Variants in IFI6 observed in about 807,000 individuals in gnomAD.
The protein encoded by IFI6 is interferon alpha-inducible protein 6.
A neutral mutation model predicts 12.7 loss-of-function variants in IFI6; 10 were observed. The observed-to-expected ratio is 0.79, with a 90% CI of 0.49 to 1.33. The LOEUF (loss-of-function observed/expected upper bound fraction) is 1.33, where lower values mean the gene tolerates loss of function less well. Among genes scored for constraint, IFI6 ranks in the 40% most tolerant of loss-of-function variants. IFI6 has a pLI of 0.00. For missense variants in IFI6, 154 were observed against 180.4 expected, an observed-to-expected ratio of 0.85 and a Z score of 0.84; for synonymous variants, 89 against 86.2, an observed-to-expected ratio of 1.03 and a Z score of -0.18.
chr1:27,669,234 C>A lies in IFI6; in HGVS notation c.70+11G>T, dbSNP rs190781000. On this transcript the variant is annotated intron_variant, in intron 2 of 4. Coordinates refer to ENST00000361157, the MANE Select transcript of IFI6 (RefSeq NM_002038.4). ...CTGTCCCCTTACCTGCATCCTTACCCGCATTCTCACCTGCCTCCACCCCAC... is the reference window on the plus strand; with the variant it reads ...CTGTCCCCTTACCTGCATCCTTACCAGCATTCTCACCTGCCTCCACCCCAC... 1 of 1,551,754 alleles carries A rather than the reference C, an allele frequency of 6.4e-7. No individual in the cohort carries two copies. The highest frequency in any genetic ancestry group is 8.7e-7 in the Non-Finnish European group (1 of 1,146,968).
chr1:27,668,167 A>G lies in IFI6; in HGVS notation c.298+59T>C, dbSNP rs1354657890. 9.4e-6 allele frequency: 13 copies of G among 1,385,020 alleles called. No homozygotes were observed. In the East Asian group the frequency reaches 3.0e-4, roughly 32 times the overall value. 85.8% of individuals were successfully genotyped at this position (1,385,020 alleles called of 1,614,324 possible). ...TTCCTGAGTGCCTCAGTTTCCCCAG[A>G]TGTATGATGAAAATAATAGTAAAGA... is the stretch of plus-strand genomic sequence containing the variant. On this transcript the variant is annotated intron_variant, in intron 4 of 4. Transcript: ENST00000361157.
At chr1:27,668,591 CCT>C in intron 2 of IFI6, 56 bp from the exon 3 acceptor site, 1 of 1,426,688 alleles carries the variant, frequency 7.0e-7, no homozygotes. Flanking sequence ...ACAGGGGTCC[CCT>C]ACTCTGTGTC....
At position 27,666,409 on chromosome 1, in the gene IFI6, T is replaced by G; in HGVS notation, c.365A>C (p.Tyr122Ser). ...CTCCTCATCCTCCTCACTATCGAGA[T>G]ACTTGTGGGTGGCGTAGCCCATCAG... ...GALMGYATHK[Y>S]LDSEEDEE Residue 122 changes from tyrosine (Y) to serine (S), a missense_variant, in exon 5 of 5, where the codon TAT becomes TCT. By Grantham distance (144) the Tyr-to-Ser change is moderately radical. Transcript: ENST00000361157. 3 of 1,610,942 alleles carry G rather than the reference T, an allele frequency of 1.9e-6. No individual in the cohort carries two copies. In the South Asian group the frequency reaches 3.3e-5, roughly 18 times the overall value.
At chr1:27,669,050 TACCCGC>T (rs2090381827) in intron 2 of IFI6, among the ~76,000 whole-genome samples, 189 bp downstream of exon 2, 1 of 2,574 alleles carries the variant, frequency 3.9e-4, no homozygotes, top group African/African-American at 7.3e-4. Flanking sequence ...CCTGCATCCT[TACCCGC>T]ATCCTTACCT....
rs375336115 is a variant in IFI6, at chr1:27,669,420, G to T, written c.-32-74C>A. On this transcript the variant is annotated intron_variant, in intron 1 of 4. Coordinates refer to ENST00000361157, the MANE Select transcript of IFI6 (RefSeq NM_002038.4). ...ATCAGCTCCGTTGTTTTCCCTTCCA[G>T]TTCCAACTGAATCAGTAAAAAGCAG... is the stretch of plus-strand genomic sequence containing the variant. 1,159 of 878,692 alleles carry T rather than the reference G, an allele frequency of 1.3e-3. 19 individuals carry two copies. In the South Asian group the frequency reaches 0.016, roughly 12 times the overall value. 54.4% of individuals were successfully genotyped at this position (878,692 alleles called of 1,614,324 possible). A position where few individuals can be genotyped will look rare whatever the true frequency, so the allele number is the denominator to read the frequency against.
Position 27,668,387 on chromosome 1 carries a change from G to A in IFI6, c.149-12C>T, listed in dbSNP as rs769843200. On this transcript the variant is annotated splice_polypyrimidine_tract_variant and intron_variant, in intron 3 of 4. Transcript: ENST00000361157. ...GGCGACTGCGAGTCCTGGAGGAACA[G>A]GAGCAGGTGAGGGAGCGTCCGCGGC... is the stretch of plus-strand genomic sequence containing the variant. The A allele has an allele frequency of 1.3e-6, 2 of 1,572,930 alleles. No individual in the cohort carries two copies. The highest frequency in any genetic ancestry group is 8.6e-7 in the Non-Finnish European group (1 of 1,158,074).
At chr1:27,669,960 C>T (rs1222922362) in intron 1 of IFI6, 1 of 152,648 alleles carries the variant, frequency 6.6e-6, no homozygotes, top group East Asian at 1.9e-4. Context: ...CCTCACCGTA[C>T]GAGAGGCTTC....
In IFI6 at chr1:27,669,235, G is replaced by A. The variant is rs530767209; in HGVS notation, c.70+10C>T. 1.3e-5 allele frequency: 20 copies of A among 1,551,532 alleles called. No homozygotes were observed. In the African/African-American group the frequency reaches 2.1e-4, roughly 16 times the overall value. On this transcript the variant is annotated intron_variant, in intron 2 of 4. Transcript: ENST00000361157. The stretch of plus-strand genomic sequence containing the variant: ...TGTCCCCTTACCTGCATCCTTACCC[G>A]CATTCTCACCTGCCTCCACCCCACT...
chr1:27,671,300 G>A (rs2090402085), intron 1 of IFI6, among the ~76,000 whole-genome samples: 6 of 151,744 alleles, frequency 4.0e-5, no homozygotes, highest in Admixed American at 2.6e-4. Flanking sequence ...GAGAGGTTAA[G>A]TAATATTCCC....
rs773948142 is a variant in IFI6 at position 27,668,504 on chromosome 1, G to A, written c.102C>T (p.Ser34=). Residue 34 remains serine, a synonymous_variant, in exon 3 of 5, where the codon AGC becomes AGT. Transcript: ENST00000361157. The part of the protein sequence containing the change: ...GKKKCSESSD[S]GSGFWKALTF... ...TCAGGGCCTTCCAGAACCCGGAGCC[G>A]CTGTCCGAGCTCTCCGAGCACTTTT... The A allele has an allele frequency of 5.6e-6, 9 of 1,609,392 alleles. No homozygotes were observed. Among genetic ancestry groups the A allele is most frequent in the Non-Finnish European group, 7.6e-6 (9 of 1,177,976 alleles).
At chr1:27,670,859 C>G (rs1571435442) in intron 1 of IFI6, among the ~76,000 whole-genome samples, 1 of 152,154 alleles carries the variant, frequency 6.6e-6, no homozygotes, top group Admixed American at 6.5e-5. Context: ...GAAATGCCAG[C>G]CATCAGTCAA....
chr1:27,669,239 T>G lies in IFI6; in HGVS notation c.70+6A>C, dbSNP rs550350173. The G allele has an allele frequency of 1.3e-6, 2 of 1,551,760 alleles. No individual in the cohort carries two copies. Among genetic ancestry groups the G allele is most frequent in the Non-Finnish European group, 8.7e-7 (1 of 1,146,998 alleles). ...CCCTTACCTGCATCCTTACCCGCATTCTCACCTGCCTCCACCCCACTGCAA... is the reference window on the plus strand; with the variant it reads ...CCCTTACCTGCATCCTTACCCGCATGCTCACCTGCCTCCACCCCACTGCAA... On this transcript the variant is annotated splice_donor_region_variant and intron_variant, in intron 2 of 4. Transcript: ENST00000361157.
chr1:27,667,216 C>T (rs1321885542), intron 4 of IFI6, among the ~76,000 whole-genome samples: 1 of 106,324 alleles, frequency 9.4e-6, no homozygotes, highest in African/African-American at 3.8e-5. Flanking sequence ...CCATCCTGGG[C>T]AACACAATGA....
At chr1:27,667,643 A>G (rs1015824534) in intron 4 of IFI6, among the ~76,000 whole-genome samples, 4 of 152,204 alleles carry the variant, frequency 2.6e-5, no homozygotes, top group African/African-American at 9.6e-5. Context: ...CGCTGAGGGA[A>G]CTGAGGCTTG....
rs2090351489 is a variant in IFI6, at chr1:27,666,393, C to T, written c.381G>A (p.Glu127=). The T allele has an allele frequency of 6.2e-7, 1 of 1,609,014 alleles. No individual in the cohort carries two copies. The change falls in exon 5 of 5, where the codon GAG becomes GAA. Residue 127 remains glutamate, a synonymous_variant. Coordinates refer to ENST00000361157, the MANE Select transcript of IFI6 (RefSeq NM_002038.4). The part of the protein sequence containing the change: ...YATHKYLDSE[E]DEE Reference sequence around the variant, plus strand: ...TGGGAGCTGCTGGCTACTCCTCATCCTCCTCACTATCGAGATACTTGTGGG... The same window carrying T: ...TGGGAGCTGCTGGCTACTCCTCATCTTCCTCACTATCGAGATACTTGTGGG...
At chr1:27,668,772 C>G (rs1249970805) in intron 2 of IFI6, among the ~76,000 whole-genome samples, 1 of 152,026 alleles carries the variant, frequency 6.6e-6, no homozygotes, top group African/African-American at 2.4e-5. Context: ...GAATCTGGGA[C>G]TCTGGCGACA....
intron 1 of IFI6, chr1:27,669,667 T>C (rs2090389484): frequency 3.2e-6 from 1 of 308,926 alleles, no homozygotes; most frequent in Non-Finnish European, 6.3e-6. Flanking sequence ...GATACTAGGG[T>C]ACTTTGCTTC....
At position 27,666,333 on chromosome 1, in the gene IFI6, C is replaced by T; in HGVS notation, c.*48G>A. The T allele has an allele frequency of 1.8e-6, 1 of 569,128 alleles. No individual in the cohort carries two copies. Among genetic ancestry groups the T allele is most frequent in the Non-Finnish European group, 3.1e-6 (1 of 325,690 alleles). The allele number at this position is 569,128 out of a possible 1,614,324, so 35.3% of individuals were successfully genotyped here. On this transcript the variant is annotated 3_prime_UTR_variant, in exon 5 of 5. Coordinates refer to ENST00000361157, the MANE Select transcript of IFI6 (RefSeq NM_002038.4). ...AAAAAGGCAAAGTTCTAGATCCTAA[C>T]TGGAAGAGTTAGGCCAAGAAGGAAG...
At chr1:27,671,330 A>G (rs2090402357) in intron 1 of IFI6, among the ~76,000 whole-genome samples, 1 of 151,874 alleles carries the variant, frequency 6.6e-6, no homozygotes. Context: ...TAGCCAGGTC[A>G]TGGCAAAGTC....
Sources: allele counts gnomAD v4.1 joint callset (sites outside exome capture counted in the v4.1 genomes callset), GRCh38; gene constraint gnomAD v4.1.1; transcripts MANE v1.5; gene names NCBI Gene and HGNC (gene_info 2026-07-23, HGNC 2026-07-21).